Variants in PHACTR2 observed in about 807,000 individuals in gnomAD.
The protein encoded by PHACTR2 is chromosome 6 open reading frame 56.
A neutral mutation model predicts 76.0 loss-of-function variants in PHACTR2; 30 were observed. That is an observed-to-expected ratio of 0.39 (90% CI 0.30 to 0.54). The LOEUF (loss-of-function observed/expected upper bound fraction) is 0.54, where lower values mean the gene tolerates loss of function less well. Among genes scored for constraint, PHACTR2 ranks in the 20% least tolerant of loss-of-function variants. The probability of loss-of-function intolerance (pLI) is 0.61; values close to 1 mark genes in which losing one functional copy is unlikely to be tolerated. For synonymous variants in PHACTR2, 292 were observed against 292.5 expected, an observed-to-expected ratio of 1.00 and a Z score of 0.02; for missense variants, 696 against 781.1, an observed-to-expected ratio of 0.89 and a Z score of 1.30.
In PHACTR2 at chr6:143,764,555, T is replaced by C. The variant is rs1779512107; in HGVS notation, c.695-706T>C. Among the ~76,000 whole-genome samples the C allele has an allele frequency of 6.7e-6, 1 of 149,332 alleles. No individual in the cohort carries two copies. The highest frequency in any genetic ancestry group is 1.5e-5 in the Non-Finnish European group (1 of 67,430). The stretch of plus-strand genomic sequence containing the variant: ...AAAAAAAAGGAGCAACCCATGTAAA[T>C]AGGTTTTGTAAACAACAAGTTTTTT... On this transcript the variant is annotated intron_variant, in intron 5 of 12. Coordinates refer to ENST00000440869, the MANE Select transcript of PHACTR2 (RefSeq NM_001100164.2). The surrounding 1 kb of genome is among the most constrained non-coding windows in gnomAD (Gnocchi z 4.7).
intron 1 of PHACTR2, among the ~76,000 whole-genome samples, chr6:143,690,633 C>T (rs1179742206): frequency 6.6e-6 from 1 of 152,188 alleles, no homozygotes; most frequent in Non-Finnish European, 1.5e-5. Flanking sequence ...TGAACGTTTT[C>T]CTTTTATCTG....
In PHACTR2 at chr6:143,709,496, G is replaced by A. The variant is rs950231747; in HGVS notation, c.47-2520G>A. Among the ~76,000 whole-genome samples the A allele has an allele frequency of 6.6e-6, 1 of 152,162 alleles. No homozygotes were observed. The highest frequency in any genetic ancestry group is 2.4e-5 in the African/African-American group (1 of 41,424). On this transcript the variant is annotated intron_variant, in intron 1 of 12. Transcript: ENST00000440869. This position sits in a 1 kb window ranked among gnomAD's most constrained non-coding sequence, Gnocchi z 4.4. The stretch of plus-strand genomic sequence containing the variant: ...TCAAGTGATTTTCGATGGAAACTTG[G>A]ACATTTTTGTATTATGTTATGTGAC...
At chr6:143,615,726 A>G (rs1441177210) in intron 1 of PHACTR2, among the ~76,000 whole-genome samples, 2 of 152,238 alleles carry the variant, frequency 1.3e-5, no homozygotes, top group African/African-American at 4.8e-5. Flanking sequence ...TGATATTTAA[A>G]TGAAATGCAG....
chr6:143,584,013 T>C (rs558411463), intron 1 of PHACTR2, among the ~76,000 whole-genome samples: 18 of 152,352 alleles, frequency 1.2e-4, no homozygotes, highest in Non-Finnish European at 2.4e-4. Flanking sequence ...GTTGAGGCTC[T>C]TTTACCCACT....
At chr6:143,567,229 G>T (rs1486823174) in intron 1 of PHACTR2, among the ~76,000 whole-genome samples, 1 of 152,064 alleles carries the variant, frequency 6.6e-6, no homozygotes, top group Non-Finnish European at 1.5e-5. Flanking sequence ...GTTTAAGTGT[G>T]TTTGGCTTTT....
At chr6:143,651,607 A>G (rs1582737205) in intron 1 of PHACTR2, among the ~76,000 whole-genome samples, 2 of 151,418 alleles carry the variant, frequency 1.3e-5, no homozygotes, top group Non-Finnish European at 2.9e-5. Flanking sequence ...CAAACACCGC[A>G]TGTTCTCACT....
chr6:143,575,692 A>G (rs1490789637), intron 1 of PHACTR2, among the ~76,000 whole-genome samples: 2 of 152,244 alleles, frequency 1.3e-5, no homozygotes, highest in Admixed American at 6.5e-5. Flanking sequence ...AAAGTCCTTG[A>G]GAAGCAATAT....
intron 1 of PHACTR2, among the ~76,000 whole-genome samples, chr6:143,577,481 TA>T (rs1276570596): frequency 1.4e-4 from 22 of 151,992 alleles, no homozygotes; most frequent in African/African-American, 5.3e-4. Flanking sequence ...GATTTTGACT[TA>T]GCAAAAAAAG....
In PHACTR2 at chr6:143,777,327, G is replaced by C; in HGVS notation, c.1590-1G>C. 1 of 1,585,910 alleles carries C rather than the reference G, an allele frequency of 6.3e-7. No homozygotes were observed. Among genetic ancestry groups the C allele is most frequent in the Non-Finnish European group, 8.6e-7 (1 of 1,157,304 alleles). On this transcript the variant is annotated splice_acceptor_variant, in intron 8 of 12. Transcript: ENST00000440869. LOFTEE classifies it high-confidence loss of function. The surrounding 1 kb of genome is among the most constrained non-coding windows in gnomAD (Gnocchi z 4.6). ...GTAATATATCCTTTTTGTCATCATA[G>C]GAGGCTGAGCCAGAGGCCCACAACT...
At position 143,828,642 on chromosome 6, in the gene PHACTR2, A is replaced by T. The variant is rs548543033; in HGVS notation, c.*4953A>T. The T allele has an allele frequency of 6.6e-6, 1 of 152,306 alleles. No homozygotes were observed. Among genetic ancestry groups the T allele is most frequent in the Admixed American group, 6.5e-5 (1 of 15,304 alleles). The allele number at this position is 152,306 out of a possible 1,614,324, so 9.4% of individuals were successfully genotyped here. On this transcript the variant is annotated 3_prime_UTR_variant, in exon 13 of 13. Transcript: ENST00000440869. The surrounding 1 kb of genome is among the most constrained non-coding windows in gnomAD (Gnocchi z 4.7). ...TTAGCCATGCTAGGATTTACTGCAC[A>T]CACAAAAAATGTCATTTAGCTTGTC...
intron 12 of PHACTR2, among the ~76,000 whole-genome samples, chr6:143,814,365 A>G (rs1776252683): frequency 6.6e-6 from 1 of 152,108 alleles, no homozygotes; most frequent in African/African-American, 2.4e-5. Flanking sequence ...AATAAATCAT[A>G]AGGAAGAGAA....
At position 143,719,987 on chromosome 6, in the gene PHACTR2, T is replaced by C. The variant is rs546613472; in HGVS notation, c.214+7804T>C. On this transcript the variant is annotated intron_variant, in intron 2 of 12. Coordinates refer to ENST00000440869, the MANE Select transcript of PHACTR2 (RefSeq NM_001100164.2). ...CCACCACACCCAGCTAATTTTTATATTTTTAGTAGAGACGGGGTTTCAACG... is the reference window on the plus strand; with the variant it reads ...CCACCACACCCAGCTAATTTTTATACTTTTAGTAGAGACGGGGTTTCAACG... Among the ~76,000 whole-genome samples, 17 of 151,970 alleles carry C rather than the reference T, an allele frequency of 1.1e-4. No individual in the cohort carries two copies. The South Asian group carries it at 2.7e-3, about 24-fold the overall frequency.
chr6:143,582,852 G>A (rs1225846190), intron 1 of PHACTR2, among the ~76,000 whole-genome samples: 1 of 152,096 alleles, frequency 6.6e-6, no homozygotes, highest in East Asian at 1.9e-4. Context: ...GCAGAAAAAG[G>A]GCATAAGAAA....
At position 143,618,197 on chromosome 6, in the gene PHACTR2, C is replaced by T. The variant is rs528775641; in HGVS notation, c.13+9875C>T. Among the ~76,000 whole-genome samples, 7 of 151,366 alleles carry T rather than the reference C, an allele frequency of 4.6e-5. No individual in the cohort carries two copies. Among genetic ancestry groups the T allele is most frequent in the South Asian group, 2.1e-4 (1 of 4,816 alleles). On this transcript the variant is annotated intron_variant, in intron 1 of 11. Coordinates refer to the PHACTR2 transcript ENST00000305766. The surrounding 1 kb of genome is among the most constrained non-coding windows in gnomAD (Gnocchi z 5.2). Reference sequence around the variant, plus strand: ...CTGTATCCATGTGACTTACCACAGGCGCCCTGCTTTTTAGTGATAGAGAAA... The same window carrying T: ...CTGTATCCATGTGACTTACCACAGGTGCCCTGCTTTTTAGTGATAGAGAAA...
intron 1 of PHACTR2, among the ~76,000 whole-genome samples, chr6:143,540,606 A>G (rs1220076878): frequency 6.6e-6 from 1 of 152,154 alleles, no homozygotes; most frequent in East Asian, 1.9e-4. Context: ...CTAGATTATT[A>G]CTAGATTTTT....
chr6:143,639,640 A>G lies in PHACTR2; in HGVS notation c.13+31318A>G, dbSNP rs1054676596. Among the ~76,000 whole-genome samples, 1 of 152,190 alleles carries G rather than the reference A, an allele frequency of 6.6e-6. No individual in the cohort carries two copies. The highest frequency in any genetic ancestry group is 1.5e-5 in the Non-Finnish European group (1 of 68,026). Reference sequence around the variant, plus strand: ...ACTCTCCCTTTGATGATGGATTAGCATACCCCATCATGAGTAAGGATAGCG... The same window carrying G: ...ACTCTCCCTTTGATGATGGATTAGCGTACCCCATCATGAGTAAGGATAGCG... On this transcript the variant is annotated intron_variant, in intron 1 of 11. Coordinates refer to the PHACTR2 transcript ENST00000305766. The surrounding 1 kb of genome is among the most constrained non-coding windows in gnomAD (Gnocchi z 5.0).
upstream of PHACTR2, among the ~76,000 whole-genome samples, chr6:143,607,060 A>C (rs1775886168): frequency 6.6e-6 from 1 of 152,204 alleles, no homozygotes; most frequent in African/African-American, 2.4e-5. Flanking sequence ...CTAGACTATA[A>C]ATAATTTGTG....
rs1428924235 is a variant in PHACTR2 at position 143,757,478 on chromosome 6, G to C, written c.455-2923G>C. ...TGGGTAAGAATTGCATTCTAGGCAGGGTGAGGACCACATGCAGCCCCAGGC... is the reference window on the plus strand; with the variant it reads ...TGGGTAAGAATTGCATTCTAGGCAGCGTGAGGACCACATGCAGCCCCAGGC... On this transcript the variant is annotated intron_variant, in intron 4 of 12. Transcript: ENST00000440869. The surrounding 1 kb of genome is among the most constrained non-coding windows in gnomAD (Gnocchi z 4.2). Among the ~76,000 whole-genome samples, 1 of 152,166 alleles carries C rather than the reference G, an allele frequency of 6.6e-6. No individual in the cohort carries two copies. The highest frequency in any genetic ancestry group is 1.5e-5 in the Non-Finnish European group (1 of 68,030).
At chr6:143,555,690 G>T (rs1286766968) in intron 1 of PHACTR2, among the ~76,000 whole-genome samples, 1 of 151,860 alleles carries the variant, frequency 6.6e-6, no homozygotes, top group Non-Finnish European at 1.5e-5. Context: ...GATGATTATG[G>T]TGTCAAAATT....
Sources: allele counts gnomAD v4.1 joint callset (sites outside exome capture counted in the v4.1 genomes callset), GRCh38; gene constraint gnomAD v4.1.1; non-coding constraint Gnocchi (gnomAD v3.1); transcripts MANE v1.5; gene names NCBI Gene and HGNC (gene_info 2026-07-23, HGNC 2026-07-21).